PCNX2: variants seen among roughly 807,000 people sequenced by gnomAD.
PCNX2 encodes pecanex-like protein 2.
PCNX2 carries 168 observed loss-of-function variants against 223.8 expected under a neutral mutation model. That is an observed-to-expected ratio of 0.75 (90% confidence interval 0.66 to 0.85). The LOEUF (loss-of-function observed/expected upper bound fraction) is 0.85, where lower values mean the gene tolerates loss of function less well. Ranked by LOEUF, PCNX2 falls within the 40% of genes least tolerant of loss-of-function variation. The pLI is 0.00. For missense variants in PCNX2, 2,507 were observed against 2,675.5 expected (o/e 0.94, Z 1.39); for synonymous variants, 1,006 against 1,052.6 (o/e 0.96, Z 0.86).
Position 233,025,346 on chromosome 1 carries a change from C to T in PCNX2, c.4405G>A (p.Asp1469Asn), listed in dbSNP as rs767926743. The T allele has an allele frequency of 6.2e-7, 1 of 1,614,008 alleles. No homozygotes were observed. The highest frequency in any genetic ancestry group is 2.2e-5 in the East Asian group (1 of 44,884). ...VEAIMEGDEE[D>N]RGCCCCKPGH... ...GGTTTGCAGCAGCAGCAGCCTCTGT[C>T]CTCCTCGTCGCCCTCCATGATGGCT... is the stretch of plus-strand genomic sequence containing the variant. The change falls in exon 26 of 34, where the codon GAC becomes AAC. Residue 1469 changes from aspartate (D) to asparagine (N), a missense_variant. Around this residue, in one of 3 missense-constraint regions of PCNX2, gnomAD observed 1,372 missense variants for 1,509.4 expected, o/e 0.91. Transcript: ENST00000258229.
At chr1:233,265,259 A>T (rs896948042) in intron 1 of PCNX2, among the ~76,000 whole-genome samples, 3 of 143,058 alleles carry the variant, frequency 2.1e-5, no homozygotes, top group Non-Finnish European at 3.1e-5. Flanking sequence ...AAAAAAAAGG[A>T]ATTATATTCA....
At position 233,217,958 on chromosome 1, in the gene PCNX2, GTCA is replaced by G. The variant is rs1457234237; in HGVS notation, c.2659-30_2659-28del. 11 of 1,613,588 alleles carry G rather than the reference GTCA, an allele frequency of 6.8e-6. No homozygotes were observed. The Admixed American group carries it at 1.0e-4, about 15-fold the overall frequency. ...TAAAACACAAATCAGAAGTGTCTGT[GTCA>G]TCATCTCATGATTTCAAGGCTACAT... is the stretch of plus-strand genomic sequence containing the variant. On this transcript the variant is annotated intron_variant, in intron 11 of 33. Coordinates refer to ENST00000258229, the MANE Select transcript of PCNX2 (RefSeq NM_014801.4).
chr1:233,167,268 T>C (rs142520587), intron 17 of PCNX2, among the ~76,000 whole-genome samples: 1 of 152,294 alleles, frequency 6.6e-6, no homozygotes, highest in East Asian at 1.9e-4. Flanking sequence ...GGAGCACATT[T>C]TGCTAAGCGA....
intron 30 of PCNX2, chr1:232,999,771 CA>C (rs973166743): frequency 2.8e-5 from 6 of 215,688 alleles, no homozygotes; most frequent in Non-Finnish European, 4.6e-5. Context: ...TCTGTGACTA[CA>C]AAACTTTGGT....
rs182228494 is a variant in PCNX2 at position 233,152,960 on chromosome 1, C to T, written c.3517+7323G>A. On this transcript the variant is annotated intron_variant, in intron 19 of 33. Transcript: ENST00000258229. Reference sequence around the variant, plus strand: ...ACAATGGCGAAGCACACTTAATATGCGACAGAACCAGGGTTTGAGCCCACC... The same window carrying T: ...ACAATGGCGAAGCACACTTAATATGTGACAGAACCAGGGTTTGAGCCCACC... Among the ~76,000 whole-genome samples the T allele has an allele frequency of 3.9e-5, 6 of 152,312 alleles. No individual in the cohort carries two copies. In the East Asian group the frequency reaches 5.8e-4, roughly 15 times the overall value.
At chr1:232,996,263 A>C (rs1571991049) in intron 32 of PCNX2, among the ~76,000 whole-genome samples, 1 of 149,792 alleles carries the variant, frequency 6.7e-6, no homozygotes. Flanking sequence ...CCGCAGCCAC[A>C]CCCCCCTGAC....
chr1:233,025,087 G>C (rs1449080921), intron 26 of PCNX2, 59 bp downstream of exon 26: 2 of 1,589,066 alleles, frequency 1.3e-6, no homozygotes, highest in Admixed American at 3.4e-5. Context: ...GAGCTCTTTC[G>C]GAGCTTCCTG....
intron 21 of PCNX2, among the ~76,000 whole-genome samples, chr1:233,108,299 C>T (rs1406671696): frequency 6.6e-6 from 1 of 152,128 alleles, no homozygotes; most frequent in South Asian, 2.1e-4. Flanking sequence ...TTTCCTGTAC[C>T]ACACCTAGTC....
At chr1:233,225,111 A>T (rs112648054) in intron 10 of PCNX2, among the ~76,000 whole-genome samples, 7,641 of 39,502 alleles carry the variant, frequency 0.19, 496 homozygotes, top group African/African-American at 0.27. Context: ...GAACTAAAGT[A>T]AAAAAAAAAA....
chr1:233,033,094 C>T (rs6664081), intron 25 of PCNX2: 205,113 of 985,070 alleles, frequency 0.21, 22,420 homozygotes, highest in African/African-American at 0.35. Context: ...TTCGAAGCCC[C>T]GGCAGAGATG....
intron 15 of PCNX2, among the ~76,000 whole-genome samples, chr1:233,191,575 C>T (rs905084013): frequency 6.6e-6 from 1 of 152,138 alleles, no homozygotes; most frequent in African/African-American, 2.4e-5. Flanking sequence ...GTTACTCGTG[C>T]ACAAGTCATA....
intron 28 of PCNX2, 32 bp downstream of exon 28, chr1:233,014,633 C>G: frequency 6.4e-7 from 1 of 1,567,948 alleles, no homozygotes; most frequent in Non-Finnish European, 8.8e-7. Flanking sequence ...GGTGCCTGTA[C>G]CTAAGAGATT....
chr1:232,998,921 G>A (rs988278903), intron 31 of PCNX2, among the ~76,000 whole-genome samples, 184 bp downstream of exon 31: 1 of 152,176 alleles, frequency 6.6e-6, no homozygotes, highest in African/African-American at 2.4e-5. Context: ...ATTTTCCATG[G>A]ATTCATAATC....
intron 25 of PCNX2, among the ~76,000 whole-genome samples, chr1:233,031,447 A>G (rs1208684141): frequency 6.6e-6 from 1 of 152,242 alleles, no homozygotes; most frequent in Non-Finnish European, 1.5e-5. Context: ...CTCTGTCTGA[A>G]CAGGCACCAA....
intron 25 of PCNX2, among the ~76,000 whole-genome samples, chr1:233,040,682 CT>C: frequency 6.6e-6 from 1 of 152,062 alleles, no homozygotes; most frequent in Non-Finnish European, 1.5e-5. Context: ...CTCAGTCACT[CT>C]CTCCACCACG....
intron 13 of PCNX2, among the ~76,000 whole-genome samples, chr1:233,207,337 G>A (rs1342336632): frequency 3.9e-5 from 6 of 152,196 alleles, no homozygotes; most frequent in Non-Finnish European, 8.8e-5. Context: ...GGCTTTGACA[G>A]TCTCTTGAGT....
At chr1:233,240,739 T>C (rs1452931659) in intron 8 of PCNX2, among the ~76,000 whole-genome samples, 1 of 152,100 alleles carries the variant, frequency 6.6e-6, no homozygotes, top group Non-Finnish European at 1.5e-5. Flanking sequence ...GGGGCTAGGA[T>C]CTAGTCTGGG....
intron 1 of PCNX2, among the ~76,000 whole-genome samples, chr1:233,286,435 C>G (rs1203480257): frequency 1.3e-5 from 2 of 152,158 alleles, no homozygotes; most frequent in Non-Finnish European, 2.9e-5. Flanking sequence ...GGCTGGCTAG[C>G]TGCTTTGATG....
intron 32 of PCNX2, among the ~76,000 whole-genome samples, chr1:232,997,167 A>G (rs952361195): frequency 1.3e-5 from 2 of 152,194 alleles, no homozygotes; most frequent in African/African-American, 4.8e-5. Context: ...CTCTTTGGAA[A>G]AAGTAGCCAC....
Sources: gnomAD v4.1 joint callset for allele counts (sites outside exome capture counted in the v4.1 genomes callset) on GRCh38, gnomAD v4.1.1 for gene constraint, gnomAD v4.1.1 regional missense constraint, MANE v1.5 for transcripts, NCBI Gene and HGNC (gene_info 2026-07-23, HGNC 2026-07-21) for gene names.